The following PPARG variants were observed in gnomAD, a reference collection of about 807,000 sequenced individuals.
The protein encoded by PPARG is peroxisome proliferator-activated receptor gamma.
Under a neutral mutation model 39.2 loss-of-function variants are expected in PPARG, and 17 were observed. The observed-to-expected ratio is 0.43, with a 90% CI of 0.30 to 0.65. The LOEUF is 0.65. PPARG is among the 30% of genes least tolerant of loss of function. The pLI is 0.13. For missense variants in PPARG, 406 were observed against 585.9 expected, an observed-to-expected ratio of 0.69 and a Z score of 3.17; for synonymous variants, 223 against 215.7, an observed-to-expected ratio of 1.03 and a Z score of -0.30.
chr3:12,298,240 A>T, intron 1 of PPARG, among the ~76,000 whole-genome samples: 1 of 130,458 alleles, frequency 7.7e-6, no homozygotes, highest in African/African-American at 2.9e-5. Context: ...CAGAGCTTGC[A>T]GTGAGCCGAG....
chr3:12,295,312 A>G (rs2046751214), intron 1 of PPARG, among the ~76,000 whole-genome samples: 1 of 152,220 alleles, frequency 6.6e-6, no homozygotes, highest in Non-Finnish European at 1.5e-5. Flanking sequence ...TGATGTCAAT[A>G]TAAATGAAGT....
chr3:12,397,612 G>A (rs1273666536), intron 5 of PPARG, among the ~76,000 whole-genome samples: 3 of 151,628 alleles, frequency 2.0e-5, no homozygotes, highest in Middle Eastern at 3.4e-3. Flanking sequence ...GGGTTTCACC[G>A]TGTTAGCCAG....
chr3:12,341,556 C>G (rs2048184176), intron 2 of PPARG, among the ~76,000 whole-genome samples: 1 of 152,072 alleles, frequency 6.6e-6, no homozygotes, highest in Non-Finnish European at 1.5e-5. Context: ...GCCTGTAATC[C>G]CAGAACTTTG....
At chr3:12,361,693 G>A (rs1373419970) in intron 2 of PPARG, among the ~76,000 whole-genome samples, 1 of 152,190 alleles carries the variant, frequency 6.6e-6, no homozygotes, top group Non-Finnish European at 1.5e-5. Context: ...CTATTGCATT[G>A]TATTTTTGCA....
At chr3:12,347,069 G>C (rs183368757) in intron 2 of PPARG, among the ~76,000 whole-genome samples, 9 of 152,192 alleles carry the variant, frequency 5.9e-5, no homozygotes, top group Admixed American at 5.2e-4. Flanking sequence ...TCAAAAAAAT[G>C]ATACACGAGA....
In PPARG at chr3:12,381,203, T is replaced by G; in HGVS notation, c.221-119T>G. 2.9e-6 allele frequency: 3 copies of G among 1,036,222 alleles called. No homozygotes were observed. The East Asian group carries it at 7.8e-5, about 27-fold the overall frequency. 64.2% of individuals were successfully genotyped at this position (1,036,222 alleles called of 1,614,324 possible). A position where few individuals can be genotyped will look rare whatever the true frequency, so the allele number is the denominator to read the frequency against. On this transcript the variant is annotated intron_variant, in intron 3 of 7. Coordinates refer to ENST00000651735, the MANE Select transcript of PPARG (RefSeq NM_138711.6). ...TCCAGTGTTTTTTCATGTTCCACTG[T>G]GCTTTTACACTGAAACAATACAAAT...
chr3:12,311,189 G>C (rs11715016), intron 1 of PPARG, among the ~76,000 whole-genome samples: 38,295 of 151,902 alleles, frequency 0.25, 4,935 homozygotes, highest in East Asian at 0.33. Flanking sequence ...CTGCAGCCTT[G>C]AACTCTGGGA....
At chr3:12,315,509 T>C (rs1398742772) in intron 2 of PPARG, among the ~76,000 whole-genome samples, 1 of 152,186 alleles carries the variant, frequency 6.6e-6, no homozygotes, top group African/African-American at 2.4e-5. Flanking sequence ...TTATTTCAAG[T>C]TAAGTAGTTT....
At chr3:12,405,515 G>A (rs2050627070) in intron 5 of PPARG, among the ~76,000 whole-genome samples, 1 of 152,242 alleles carries the variant, frequency 6.6e-6, no homozygotes, top group Non-Finnish European at 1.5e-5. Flanking sequence ...CTTAGGTCAA[G>A]TGCTGGGGAT....
chr3:12,429,573 A>AT (rs2051583366), intron 7 of PPARG, among the ~76,000 whole-genome samples: 2 of 145,958 alleles, frequency 1.4e-5, no homozygotes, highest in Admixed American at 1.4e-4. Context: ...AAAAAAAAAA[A>AT]GAAGCAGGTG....
At chr3:12,374,079 G>C (rs1432718966) in intron 2 of PPARG, among the ~76,000 whole-genome samples, 1 of 152,162 alleles carries the variant, frequency 6.6e-6, no homozygotes, top group Non-Finnish European at 1.5e-5. Context: ...GACTGAAAAA[G>C]TAAGTTAGGG....
upstream of PPARG, chr3:12,287,911 G>A (rs1316622679): frequency 6.9e-6 from 1 of 145,308 alleles, no homozygotes; most frequent in Non-Finnish European, 1.5e-5. Context: ...GCCGCGGGCA[G>A]GCGGGGCCCA....
At chr3:12,390,739 G>A (rs1359157798) in intron 4 of PPARG, among the ~76,000 whole-genome samples, 1 of 142,670 alleles carries the variant, frequency 7.0e-6, no homozygotes, top group Non-Finnish European at 1.5e-5. Context: ...AGACCTCCTG[G>A]GCTCATGTGA....
rs2048310328 is a variant in PPARG at position 12,345,826 on chromosome 3, G to A, written c.-9+33373G>A. 2.0e-5 allele frequency among the ~76,000 whole-genome samples: 3 copies of A among 152,144 alleles called. 1 individual carries two copies. The highest frequency in any genetic ancestry group is 2.0e-4 in the Admixed American group (3 of 15,266). The stretch of plus-strand genomic sequence containing the variant: ...TAGAACCTTTGTGAATTCCCACTGT[G>A]CTTCACCAGTGACAGGATGTGCTAC... On this transcript the variant is annotated intron_variant, in intron 2 of 7. Coordinates refer to ENST00000651735, the MANE Select transcript of PPARG (RefSeq NM_138711.6).
At chr3:12,306,168 G>C (rs1349882266) in intron 1 of PPARG, among the ~76,000 whole-genome samples, 1 of 152,184 alleles carries the variant, frequency 6.6e-6, no homozygotes. Context: ...TTCCACCTTA[G>C]ATCATCAGGC....
intron 7 of PPARG, 144 bp downstream of exon 7, chr3:12,417,298 A>G: frequency 1.2e-6 from 1 of 861,970 alleles, no homozygotes; most frequent in South Asian, 1.5e-5. Flanking sequence ...CTACACGTGC[A>G]AAACACTGTA....
At position 12,406,054 on chromosome 3, in the gene PPARG, C is replaced by T. The variant is rs1199909593; in HGVS notation, c.702C>T (p.Ile234=). 6.2e-7 allele frequency: 1 copy of T among 1,614,112 alleles called. No individual in the cohort carries two copies. The highest frequency in any genetic ancestry group is 2.2e-5 in the East Asian group (1 of 44,854). ...FPLTKAKARA[I]LTGKTTDKSP... is the part of the protein sequence containing the mutation. Reference sequence around the variant, plus strand: ...TGACCAAAGCAAAGGCGAGGGCGATCTTGACAGGAAAGACAACAGACAAAT... The same window carrying T: ...TGACCAAAGCAAAGGCGAGGGCGATTTTGACAGGAAAGACAACAGACAAAT... Residue 234 remains isoleucine, a synonymous_variant, in exon 6 of 8, where the codon ATC becomes ATT. Coordinates refer to ENST00000651735, the MANE Select transcript of PPARG (RefSeq NM_138711.6).
intron 2 of PPARG, among the ~76,000 whole-genome samples, chr3:12,332,366 T>A (rs961851306): frequency 2.0e-5 from 3 of 152,178 alleles, no homozygotes; most frequent in Non-Finnish European, 4.4e-5. Context: ...GCAAATAACA[T>A]TATACTGTAG....
At chr3:12,401,116 C>A (rs1307635660) in intron 5 of PPARG, among the ~76,000 whole-genome samples, 8 of 152,144 alleles carry the variant, frequency 5.3e-5, no homozygotes, top group African/African-American at 1.9e-4. Flanking sequence ...ACCCCCAATG[C>A]AGAATGTTCA....
Sources: gnomAD v4.1 joint callset for allele counts (sites outside exome capture counted in the v4.1 genomes callset) on GRCh38, gnomAD v4.1.1 for gene constraint, MANE v1.5 for transcripts, NCBI Gene and HGNC (gene_info 2026-07-23, HGNC 2026-07-21) for gene names.